The following RPH3A variants were observed in gnomAD, a reference collection of about 807,000 sequenced individuals.
The protein encoded by RPH3A is rabphilin-3A.
In RPH3A, 48 loss-of-function variants were observed where a neutral mutation model predicts 102.2. The observed-to-expected ratio is 0.47, with a 90% CI of 0.37 to 0.60. RPH3A has a LOEUF of 0.60. Ranked by LOEUF, RPH3A falls within the 20% of genes least tolerant of loss-of-function variation. The pLI is 0.00. For synonymous variants in RPH3A, 310 were observed against 324.3 expected (o/e 0.96, Z 0.47); for missense variants, 781 against 910.1 (o/e 0.86, Z 1.83).
At chr12:112,815,423 C>T (rs772371414) in intron 2 of RPH3A, among the ~76,000 whole-genome samples, 8 of 152,276 alleles carry the variant, frequency 5.3e-5, no homozygotes, top group South Asian at 2.1e-4. Context: ...CCAGCATGAC[C>T]TTGACAAACC....
intron 1 of RPH3A, among the ~76,000 whole-genome samples, chr12:112,667,168 C>A (rs2136006742): frequency 6.6e-6 from 1 of 152,280 alleles, no homozygotes; most frequent in East Asian, 1.9e-4. Context: ...CTTTATCTCT[C>A]TTCCTTTCTA....
intron 4 of RPH3A, 150 bp from the exon 5 acceptor site, chr12:112,847,546 A>C (rs549389586): frequency 1.3e-6 from 1 of 796,976 alleles, no homozygotes; most frequent in Admixed American, 2.4e-5. Context: ...CTAAGAGGGA[A>C]GTATGTGTGT....
At chr12:112,659,702 T>C (rs571239801) in intron 1 of RPH3A, among the ~76,000 whole-genome samples, 1 of 152,330 alleles carries the variant, frequency 6.6e-6, no homozygotes, top group Non-Finnish European at 1.5e-5. Context: ...TTTCTGTCAA[T>C]CAATCTATCT....
intron 1 of RPH3A, among the ~76,000 whole-genome samples, chr12:112,603,884 G>A (rs569951862): frequency 6.6e-6 from 1 of 152,246 alleles, no homozygotes; most frequent in South Asian, 2.1e-4. Context: ...CAGCCCCCCA[G>A]CATACTGCCT....
At chr12:112,843,668 C>A (rs1265553800) in intron 4 of RPH3A, among the ~76,000 whole-genome samples, 1 of 152,144 alleles carries the variant, frequency 6.6e-6, no homozygotes, top group Non-Finnish European at 1.5e-5. Flanking sequence ...CTTGGAGGGT[C>A]TTCACTGGGA....
chr12:112,645,116 G>A (rs866933837), intron 1 of RPH3A, among the ~76,000 whole-genome samples: 12 of 152,094 alleles, frequency 7.9e-5, no homozygotes, highest in South Asian at 2.1e-4. Context: ...GAGAGATACC[G>A]TGAGAGTTGT....
At chr12:112,718,577 T>C (rs1454362987) in intron 1 of RPH3A, among the ~76,000 whole-genome samples, 1 of 151,976 alleles carries the variant, frequency 6.6e-6, no homozygotes, top group Non-Finnish European at 1.5e-5. Context: ...CATGGGGGAG[T>C]GTGGGCCCTT....
intron 1 of RPH3A, among the ~76,000 whole-genome samples, chr12:112,697,624 G>A (rs899117163): frequency 1.3e-5 from 2 of 152,172 alleles, no homozygotes; most frequent in Non-Finnish European, 2.9e-5. Context: ...CATCACTTTG[G>A]GAGGCTGAGG....
chr12:112,581,200 T>C (rs1319639796), intron 1 of RPH3A, among the ~76,000 whole-genome samples: 1 of 152,158 alleles, frequency 6.6e-6, no homozygotes, highest in Non-Finnish European at 1.5e-5. Flanking sequence ...AGAGATTTAA[T>C]TGACTCACAG....
intron 1 of RPH3A, among the ~76,000 whole-genome samples, chr12:112,589,864 C>T (rs1294049038): frequency 6.6e-6 from 1 of 152,182 alleles, no homozygotes; most frequent in Non-Finnish European, 1.5e-5. Flanking sequence ...GGGCGGATCA[C>T]TTGAGGTCAG....
At position 112,876,744 on chromosome 12, in the gene RPH3A, G is replaced by A. The variant is rs201830542; in HGVS notation, c.1049G>A (p.Ser350Asn). The A allele has an allele frequency of 8.7e-6, 14 of 1,613,370 alleles. 1 individual carries two copies. The Admixed American group carries it at 1.8e-4, about 21-fold the overall frequency. Reference sequence around the variant, plus strand: ...GTTGGAGCCAGAGAGGACCGAATGAGCCACCCCTCCGGACCCTATTCCCAA... The same window carrying A: ...GTTGGAGCCAGAGAGGACCGAATGAACCACCCCTCCGGACCCTATTCCCAA... ...PAVGAREDRM[S>N]HPSGPYSQAS... The change falls in exon 13 of 22, where the codon AGC becomes AAC. Residue 350 changes from serine (S) to asparagine (N), a missense_variant. By Grantham distance (46) the Ser-to-Asn change is conservative (BLOSUM62 1). Coordinates refer to ENST00000389385, the MANE Select transcript of RPH3A (RefSeq NM_001143854.2).
intron 2 of RPH3A, among the ~76,000 whole-genome samples, chr12:112,809,553 T>C (rs929671463): frequency 1.3e-5 from 2 of 152,150 alleles, no homozygotes; most frequent in Non-Finnish European, 2.9e-5. Context: ...TATTCCACAA[T>C]AGGAGTTACC....
At chr12:112,685,688 G>T (rs920121547) in intron 1 of RPH3A, among the ~76,000 whole-genome samples, 5 of 152,264 alleles carry the variant, frequency 3.3e-5, no homozygotes, top group South Asian at 4.1e-4. Flanking sequence ...GACCCTCAAG[G>T]CATGGTTGTT....
intron 1 of RPH3A, among the ~76,000 whole-genome samples, chr12:112,711,415 C>A (rs986638776): frequency 2.6e-5 from 4 of 152,056 alleles, no homozygotes; most frequent in African/African-American, 4.8e-5. Context: ...AAGAGCACAT[C>A]TCTTTGGGGA....
intron 11 of RPH3A, 125 bp from the exon 12 acceptor site, chr12:112,875,554 C>T (rs2042781708): frequency 1.3e-6 from 1 of 763,508 alleles, no homozygotes; most frequent in Non-Finnish European, 2.2e-6. Context: ...ACTGTTTCTG[C>T]AGCCTCGGGT....
Position 112,696,742 on chromosome 12 carries a change from A to T in RPH3A, c.-139-95401A>T, listed in dbSNP as rs1681055494. The stretch of plus-strand genomic sequence containing the variant: ...AGGTTATTTTTCATTTTAAATGGTG[A>T]GGTAATTCTTTCCTTCAAAACAAAA... On this transcript the variant is annotated intron_variant, in intron 1 of 21. Transcript: ENST00000543106. Among the ~76,000 whole-genome samples, 3 of 152,178 alleles carry T rather than the reference A, an allele frequency of 2.0e-5. No homozygotes were observed. In the South Asian group the frequency reaches 6.2e-4, roughly 32 times the overall value.
upstream of RPH3A, among the ~76,000 whole-genome samples, chr12:112,788,629 G>A (rs1044565862): frequency 6.6e-6 from 1 of 152,214 alleles, no homozygotes; most frequent in Admixed American, 6.5e-5. Flanking sequence ...AGTACAATGC[G>A]TGACACATGG....
Position 112,847,707 on chromosome 12 carries a change from G to C in RPH3A, c.95G>C (p.Gly32Ala), listed in dbSNP as rs2042254087. 6.2e-7 allele frequency: 1 copy of C among 1,613,872 alleles called. No individual in the cohort carries two copies. The change falls in exon 5 of 22, where the codon GGC becomes GCC. Residue 32 changes from glycine (G) to alanine (A), a missense_variant. By Grantham distance (60) the Gly-to-Ala change is moderately conservative. Coordinates refer to ENST00000389385, the MANE Select transcript of RPH3A (RefSeq NM_001143854.2). ...QSNDKEQLQA[G>A]WSVHPGGQPD... ...AAATTTCCTTTCAGGCTCCAGGCAG[G>C]CTGGTCCGTCCACCCCGGTGGTCAG...
At chr12:112,887,025 A>G (rs2136257957) in intron 16 of RPH3A, among the ~76,000 whole-genome samples, 1 of 152,332 alleles carries the variant, frequency 6.6e-6, no homozygotes, top group Admixed American at 6.5e-5. Flanking sequence ...GAGAATAAAG[A>G]GTGACCAGAA....
Sources: gnomAD v4.1 joint callset for allele counts (sites outside exome capture counted in the v4.1 genomes callset) on GRCh38, gnomAD v4.1.1 for gene constraint, MANE v1.5 for transcripts, NCBI Gene and HGNC (gene_info 2026-07-23, HGNC 2026-07-21) for gene names.